TRIP12: variants seen among roughly 807,000 people sequenced by gnomAD.
The protein encoded by TRIP12 is E3 ubiquitin-protein ligase TRIP12.
In TRIP12, 25 loss-of-function variants were observed where a neutral mutation model predicts 244.2. That is an observed-to-expected ratio of 0.10 (90% CI 0.07 to 0.14). TRIP12 has a LOEUF of 0.14. Among genes scored for constraint, TRIP12 ranks in the 10% least tolerant of loss-of-function variants. The pLI, the probability that TRIP12 is intolerant of heterozygous loss-of-function variation, is 1.00. For missense variants in TRIP12, 1,677 were observed against 2,486.4 expected, an observed-to-expected ratio of 0.67 and a Z score of 6.92; for synonymous variants, 905 against 873.1, an observed-to-expected ratio of 1.04 and a Z score of -0.64.
chr2:229,857,446 T>C (rs1449307456), intron 4 of TRIP12, among the ~76,000 whole-genome samples: 1 of 151,940 alleles, frequency 6.6e-6, no homozygotes, highest in African/African-American at 2.4e-5. Flanking sequence ...CTGACCAACA[T>C]GGTGAAACTC....
intron 1 of TRIP12, among the ~76,000 whole-genome samples, chr2:229,897,203 G>A (rs1311694772): frequency 6.6e-6 from 1 of 152,080 alleles, no homozygotes; most frequent in African/African-American, 2.4e-5. Context: ...AGTGAAAAAG[G>A]GTTTAATCCA....
At chr2:229,777,224 T>C (rs543303741) in intron 37 of TRIP12, 91 bp downstream of exon 37, 1 of 1,376,924 alleles carries the variant, frequency 7.3e-7, no homozygotes, top group South Asian at 1.4e-5. Flanking sequence ...AACATTAATA[T>C]AACAACTGAG....
Position 229,771,558 on chromosome 2 carries a change from G to A in TRIP12, c.5769C>T (p.Val1923=), listed in dbSNP as rs771630403. ...FDSFRDGFES[V]FPLSHLQYFY... ...AGTACTGAAGATGACTGAGTGGGAAGACTGATTCAAATCCATCTCTGAACG... is the reference window on the plus strand; with the variant it reads ...AGTACTGAAGATGACTGAGTGGGAAAACTGATTCAAATCCATCTCTGAACG... The change falls in exon 39 of 42, where the codon GTC becomes GTT. Residue 1923 remains valine (V), a synonymous_variant. Transcript: ENST00000675903. 6.2e-7 allele frequency: 1 copy of A among 1,614,052 alleles called. No homozygotes were observed. The highest frequency in any genetic ancestry group is 8.5e-7 in the Non-Finnish European group (1 of 1,179,930).
In TRIP12 at chr2:229,765,780, C is replaced by CT. The variant is rs912378885; in HGVS notation, c.*1773dup. 4 of 152,172 alleles carry CT rather than the reference C, an allele frequency of 2.6e-5. No individual in the cohort carries two copies. The highest frequency in any genetic ancestry group is 9.7e-5 in the African/African-American group (4 of 41,432). 9.4% of individuals were successfully genotyped at this position (152,172 alleles called of 1,614,324 possible). A position where few individuals can be genotyped will look rare whatever the true frequency, so the allele number is the denominator to read the frequency against. On this transcript the variant is annotated 3_prime_UTR_variant, in exon 42 of 42. Transcript: ENST00000675903. The stretch of plus-strand genomic sequence containing the variant: ...TTGATGAAGCTGCTCAGCAACTGTG[C>CT]TGTTAGTGGTGAAAACTGCAGAAAC...
chr2:229,827,108 G>C (rs775174824), intron 8 of TRIP12, among the ~76,000 whole-genome samples: 13 of 151,902 alleles, frequency 8.6e-5, no homozygotes, highest in Non-Finnish European at 1.8e-4. Flanking sequence ...GTGAAACCCT[G>C]TCTCTACTAA....
At chr2:229,877,704 C>T (rs1332177351) in intron 2 of TRIP12, among the ~76,000 whole-genome samples, 1 of 152,128 alleles carries the variant, frequency 6.6e-6, no homozygotes, top group African/African-American at 2.4e-5. Context: ...TGCATAAAAC[C>T]GCAGTTGTTC....
intron 34 of TRIP12, among the ~76,000 whole-genome samples, chr2:229,780,397 C>T (rs980118759): frequency 6.6e-6 from 1 of 152,224 alleles, no homozygotes; most frequent in African/African-American, 2.4e-5. Flanking sequence ...GGTCTCTGCA[C>T]TAGCATTCCC....
intron 1 of TRIP12, chr2:229,900,737 C>T (rs2070479898): frequency 6.6e-6 from 1 of 151,942 alleles, no homozygotes; most frequent in Non-Finnish European, 1.5e-5. Flanking sequence ...TGACACATAC[C>T]TGTAGTCCCA....
At chr2:229,864,047 A>AGAGAGAGAGAGAGAGAGAGTGAGTGTGT in intron 2 of TRIP12, among the ~76,000 whole-genome samples, 9 of 79,304 alleles carry the variant, frequency 1.1e-4, no homozygotes, top group East Asian at 4.4e-4. Flanking sequence ...AGAGAGAGAG[A>AGAGAGAGAGAGAGAGAGAGTGAGTGTGT]GTGTGTGTGT....
chr2:229,805,007 G>A (rs982369458), intron 18 of TRIP12, among the ~76,000 whole-genome samples: 9 of 152,050 alleles, frequency 5.9e-5, no homozygotes, highest in Non-Finnish European at 8.8e-5. Flanking sequence ...CCGGGTTCAC[G>A]CCATTCCTCT....
intron 31 of TRIP12, among the ~76,000 whole-genome samples, chr2:229,789,158 C>T (rs980903089): frequency 6.6e-6 from 1 of 152,282 alleles, no homozygotes; most frequent in East Asian, 1.9e-4. Context: ...GCCACTGCTG[C>T]GCACCCCGCC....
At chr2:229,860,558 T>C (rs1332177973) in intron 2 of TRIP12, 27 bp from the exon 3 acceptor site, 3 of 1,574,154 alleles carry the variant, frequency 1.9e-6, no homozygotes, top group East Asian at 2.3e-5. Flanking sequence ...AAAACAGAAA[T>C]CTATCAGGAA....
chr2:229,783,307 T>C (rs1397126007), intron 34 of TRIP12, among the ~76,000 whole-genome samples: 1 of 152,166 alleles, frequency 6.6e-6, no homozygotes, highest in East Asian at 1.9e-4. Context: ...ACTACAAAGG[T>C]AGAAGTGAGT....
At chr2:229,813,832 A>G (rs2047861960) in intron 13 of TRIP12, 38 bp downstream of exon 13, 1 of 1,347,230 alleles carries the variant, frequency 7.4e-7, no homozygotes, top group Non-Finnish European at 9.7e-7. Context: ...ATTAGTAATA[A>G]AACACTTTAT....
chr2:229,878,375 G>A (rs1205624300), intron 2 of TRIP12, among the ~76,000 whole-genome samples: 5 of 150,974 alleles, frequency 3.3e-5, no homozygotes, highest in Non-Finnish European at 5.9e-5. Context: ...GCTTGAACCC[G>A]GGAGGTGGAG....
chr2:229,829,609 A>G (rs955098525), intron 7 of TRIP12, among the ~76,000 whole-genome samples: 1 of 152,194 alleles, frequency 6.6e-6, no homozygotes, highest in African/African-American at 2.4e-5. Context: ...AACCTATAAA[A>G]CCATATGAAA....
At chr2:229,882,004 G>C (rs980799371) in intron 1 of TRIP12, among the ~76,000 whole-genome samples, 4 of 152,194 alleles carry the variant, frequency 2.6e-5, no homozygotes, top group African/African-American at 4.8e-5. Flanking sequence ...GAGCTCTCAA[G>C]TCAAACTGTC....
chr2:229,827,246 C>T (rs2051925296), intron 8 of TRIP12, among the ~76,000 whole-genome samples: 1 of 150,812 alleles, frequency 6.6e-6, no homozygotes, highest in Non-Finnish European at 1.5e-5. Flanking sequence ...CGCCACTGCA[C>T]TCCAGCCTGG....
At chr2:229,875,383 G>A (rs2063401196) in intron 2 of TRIP12, among the ~76,000 whole-genome samples, 1 of 152,128 alleles carries the variant, frequency 6.6e-6, no homozygotes, top group African/African-American at 2.4e-5. Context: ...TAATGCAGAG[G>A]TTTAGAAAAA....
Sources: allele counts gnomAD v4.1 joint callset (sites outside exome capture counted in the v4.1 genomes callset), GRCh38; gene constraint gnomAD v4.1.1; transcripts MANE v1.5; gene names NCBI Gene and HGNC (gene_info 2026-07-23, HGNC 2026-07-21).